Variants in BCKDHB observed in about 807,000 individuals in gnomAD.
The protein encoded by BCKDHB is branched chain keto acid dehydrogenase E1 subunit beta.
Under a neutral mutation model 48.5 loss-of-function variants are expected in BCKDHB, and 41 were observed. The observed-to-expected ratio is 0.85, with a 90% CI of 0.66 to 1.10. The LOEUF (loss-of-function observed/expected upper bound fraction) is 1.10. Ranked by LOEUF, BCKDHB falls within the 50% of genes least tolerant of loss-of-function variation. The pLI, the probability that BCKDHB is intolerant of heterozygous loss-of-function variation, is 0.00. For missense variants in BCKDHB, 496 were observed against 494.2 expected, an observed-to-expected ratio of 1.00 and a Z score of -0.03; for synonymous variants, 201 against 174.8, an observed-to-expected ratio of 1.15 and a Z score of -1.18.
chr6:80,327,081 A>G (rs1262445125), intron 9 of BCKDHB, among the ~76,000 whole-genome samples: 1 of 152,204 alleles, frequency 6.6e-6, no homozygotes, highest in Non-Finnish European at 1.5e-5. Flanking sequence ...TAAGTTTGAC[A>G]TAAGTATAAG....
chr6:80,194,661 T>C (rs1774053909), intron 6 of BCKDHB, among the ~76,000 whole-genome samples: 1 of 152,214 alleles, frequency 6.6e-6, no homozygotes, highest in South Asian at 2.1e-4. Context: ...AAGAATATTA[T>C]AGAAGTGATA....
At chr6:80,367,692 G>A in the BCKDHB span, among the ~76,000 whole-genome samples, 5 of 152,338 alleles carry the variant, frequency 3.3e-5, no homozygotes, top group East Asian at 9.6e-4. Flanking sequence ...AGGCTTATCA[G>A]CCTTCCCCTG....
At chr6:80,208,451 A>T (rs1774770953) in intron 8 of BCKDHB, among the ~76,000 whole-genome samples, 1 of 151,818 alleles carries the variant, frequency 6.6e-6, no homozygotes, top group Non-Finnish European at 1.5e-5. Flanking sequence ...AGAAAGTAGA[A>T]GAAATGAAGT....
At chr6:80,403,174 A>G in the BCKDHB span, among the ~76,000 whole-genome samples, 1 of 151,692 alleles carries the variant, frequency 6.6e-6, no homozygotes, top group Non-Finnish European at 1.5e-5. Flanking sequence ...AATTGCATTG[A>G]CTCTCTAGAT....
At chr6:80,127,654 A>G in intron 2 of BCKDHB, 30 bp downstream of exon 2, 1 of 1,565,228 alleles carries the variant, frequency 6.4e-7, no homozygotes, top group African/African-American at 1.3e-5. Context: ...GAATTGTGGT[A>G]GCTGTGTTAA....
chr6:80,295,605 A>G (rs558338873), intron 9 of BCKDHB, among the ~76,000 whole-genome samples: 46 of 140,130 alleles, frequency 3.3e-4, no homozygotes, highest in African/African-American at 6.1e-4. Flanking sequence ...AGTTTCTCCA[A>G]TTGTGTCCTG....
At chr6:80,276,346 T>G (rs1777967203) in intron 9 of BCKDHB, among the ~76,000 whole-genome samples, 1 of 151,922 alleles carries the variant, frequency 6.6e-6, no homozygotes. Flanking sequence ...CTATGCTGTT[T>G]TATTCAAAAG....
At chr6:80,255,415 G>A (rs898517618) in intron 8 of BCKDHB, among the ~76,000 whole-genome samples, 31 of 151,552 alleles carry the variant, frequency 2.0e-4, no homozygotes, top group Admixed American at 2.0e-4. Flanking sequence ...ATTTTTCTCC[G>A]TTTAAGACCA....
At chr6:80,115,880 C>G (rs1769673267) in intron 1 of BCKDHB, among the ~76,000 whole-genome samples, 1 of 148,346 alleles carries the variant, frequency 6.7e-6, no homozygotes, top group Non-Finnish European at 1.5e-5. Flanking sequence ...TCATGATCCA[C>G]CCCCCTCGGC....
At chr6:80,328,674 T>C (rs1036386579) in intron 9 of BCKDHB, among the ~76,000 whole-genome samples, 3 of 152,354 alleles carry the variant, frequency 2.0e-5, no homozygotes, top group Admixed American at 1.3e-4. Context: ...GAAAACTTTC[T>C]AATTTTATTT....
chr6:80,243,843 T>C (rs920772516), intron 8 of BCKDHB, among the ~76,000 whole-genome samples: 5 of 152,256 alleles, frequency 3.3e-5, no homozygotes, highest in African/African-American at 7.2e-5. Context: ...GCCAAGTATT[T>C]ACATTTAAAG....
intron 9 of BCKDHB, among the ~76,000 whole-genome samples, chr6:80,313,272 T>G (rs992104203): frequency 6.6e-6 from 1 of 152,208 alleles, no homozygotes; most frequent in Non-Finnish European, 1.5e-5. Context: ...AGTGGTAATA[T>G]CCTGATTATT....
chr6:80,433,156 G>A, the BCKDHB span, among the ~76,000 whole-genome samples: 5 of 152,160 alleles, frequency 3.3e-5, no homozygotes, highest in East Asian at 7.7e-4. Context: ...CCTACTTGAG[G>A]AGGCAGTCTG....
rs550263074 is a variant in BCKDHB, at chr6:80,293,073, G to T, written c.1038+19852G>T. ...CATTGAGTGTCTGTGGCTTTTCCAG[G>T]TGCACAGTGGAAGCTGTCAGTATAT... On this transcript the variant is annotated intron_variant, in intron 9 of 9. Coordinates refer to ENST00000320393, the MANE Select transcript of BCKDHB (RefSeq NM_183050.4). Among the ~76,000 whole-genome samples the T allele has an allele frequency of 6.8e-4, 103 of 152,162 alleles. 1 individual carries two copies. The highest frequency in any genetic ancestry group is 1.2e-3 in the Non-Finnish European group (80 of 68,034).
the BCKDHB span, among the ~76,000 whole-genome samples, chr6:80,456,196 C>G: frequency 1.3e-5 from 2 of 150,046 alleles, no homozygotes; most frequent in Admixed American, 1.3e-4. Context: ...GCCAGAGGAA[C>G]AAGAGCGAAA....
At chr6:80,411,501 T>C in the BCKDHB span, among the ~76,000 whole-genome samples, 1 of 152,238 alleles carries the variant, frequency 6.6e-6, no homozygotes, top group Non-Finnish European at 1.5e-5. Context: ...TTCAGAGCTG[T>C]CAGACAGGGA....
chr6:80,389,550 T>G, the BCKDHB span, among the ~76,000 whole-genome samples: 3 of 152,230 alleles, frequency 2.0e-5, no homozygotes, highest in African/African-American at 7.2e-5. Flanking sequence ...ATCTATGGAC[T>G]CATGAAATGC....
the BCKDHB span, among the ~76,000 whole-genome samples, chr6:80,448,137 A>G: frequency 6.6e-6 from 1 of 152,142 alleles, no homozygotes; most frequent in Non-Finnish European, 1.5e-5. Flanking sequence ...TGGTACAGAC[A>G]CACCAGCATC....
At chr6:80,312,888 T>A (rs1032200455) in intron 9 of BCKDHB, among the ~76,000 whole-genome samples, 6 of 152,090 alleles carry the variant, frequency 3.9e-5, no homozygotes, top group Admixed American at 2.6e-4. Flanking sequence ...GGCCTAAAGT[T>A]TTTTGTTGTT....
Sources: allele counts gnomAD v4.1 joint callset (sites outside exome capture counted in the v4.1 genomes callset), GRCh38; gene constraint gnomAD v4.1.1; transcripts MANE v1.5; gene names NCBI Gene and HGNC (gene_info 2026-07-23, HGNC 2026-07-21).